Variants in TMEM17 observed in about 807,000 individuals in gnomAD.
TMEM17 encodes the protein transmembrane protein 17.
TMEM17 carries 15 observed loss-of-function variants against 19.1 expected under a neutral mutation model. The observed-to-expected ratio is 0.78, with a 90% CI of 0.52 to 1.21. TMEM17 has a LOEUF of 1.21. Ranked by LOEUF, TMEM17 falls within the 50% of genes most tolerant of loss-of-function variation. The pLI is 0.00. For missense variants in TMEM17, 245 were observed against 242.3 expected (o/e 1.01, Z -0.07); for synonymous variants, 103 against 86.9 (o/e 1.19, Z -1.03).
intron 1 of TMEM17, among the ~76,000 whole-genome samples, chr2:62,505,365 G>C (rs1235171468): frequency 6.6e-6 from 1 of 152,214 alleles, no homozygotes; most frequent in Non-Finnish European, 1.5e-5. Flanking sequence ...TTACATATAG[G>C]GGAGGAGGAG....
chr2:62,455,209 A>C, the TMEM17 span, among the ~76,000 whole-genome samples: 1 of 152,172 alleles, frequency 6.6e-6, no homozygotes, highest in African/African-American at 2.4e-5. Flanking sequence ...ATTTCATATA[A>C]ATAATACAAT....
chr2:62,490,262 T>TATTATTA, the TMEM17 span, among the ~76,000 whole-genome samples: 6 of 152,002 alleles, frequency 3.9e-5, no homozygotes, highest in African/African-American at 1.4e-4. Flanking sequence ...GATGCATGTG[T>TATTATTA]GTATTATTAT....
chr2:62,503,027 A>T (rs976124004), intron 1 of TMEM17, among the ~76,000 whole-genome samples: 9 of 152,176 alleles, frequency 5.9e-5, no homozygotes, highest in African/African-American at 1.9e-4. Flanking sequence ...CCATTTTGCC[A>T]TTACAGTCTT....
chr2:62,483,473 C>T, the TMEM17 span, among the ~76,000 whole-genome samples: 14,161 of 152,214 alleles, frequency 0.093, 916 homozygotes, highest in East Asian at 0.27. Context: ...TTGCATTCTC[C>T]GTATGGAGGC....
the TMEM17 span, among the ~76,000 whole-genome samples, chr2:62,489,549 T>C: frequency 6.6e-6 from 1 of 152,196 alleles, no homozygotes; most frequent in South Asian, 2.1e-4. Flanking sequence ...CACTCTTCAA[T>C]CCATATGCTT....
the TMEM17 span, among the ~76,000 whole-genome samples, chr2:62,468,847 A>G: frequency 2.0e-5 from 3 of 152,242 alleles, no homozygotes; most frequent in Admixed American, 2.0e-4. Context: ...AGCTAGAGGC[A>G]TGGTAGCTAG....
chr2:62,488,508 A>T, the TMEM17 span, among the ~76,000 whole-genome samples: 1 of 151,754 alleles, frequency 6.6e-6, no homozygotes, highest in Admixed American at 6.6e-5. Context: ...AAAAAAAAAA[A>T]ACTTAGAGAA....
chr2:62,460,482 T>G, the TMEM17 span, among the ~76,000 whole-genome samples: 2 of 152,290 alleles, frequency 1.3e-5, no homozygotes, highest in East Asian at 3.9e-4. Flanking sequence ...CCCACAAACC[T>G]TTTACTCCCT....
chr2:62,453,589 C>A, the TMEM17 span, among the ~76,000 whole-genome samples: 2 of 152,182 alleles, frequency 1.3e-5, no homozygotes, highest in African/African-American at 4.8e-5. Context: ...TAGAGCCTGA[C>A]AGCTTCACCC....
chr2:62,480,793 C>T, the TMEM17 span, among the ~76,000 whole-genome samples: 2 of 152,290 alleles, frequency 1.3e-5, no homozygotes, highest in Middle Eastern at 3.4e-3. Context: ...CAATACCATT[C>T]TGTTTTGGTT....
chr2:62,482,286 G>A, the TMEM17 span, among the ~76,000 whole-genome samples: 33 of 152,310 alleles, frequency 2.2e-4, no homozygotes, highest in Admixed American at 2.0e-3. Context: ...CAAAATAATA[G>A]TAAATTATTG....
rs1680070994 is a variant in TMEM17, at chr2:62,506,117, C to G, written c.13G>C (p.Asp5His). MELP[D>H]PVRQRLGNFS... The stretch of plus-strand genomic sequence containing the variant: ...TTTCCCAGCCGCTGGCGCACCGGAT[C>G]CGGCAGCTCCATGCCTGGGCCTCAG... Residue 5 changes from aspartate to histidine, a missense_variant, in exon 1 of 4, where the codon GAT (aspartate) becomes CAT (histidine). Transcript: ENST00000335390. 1.9e-6 allele frequency: 3 copies of G among 1,610,638 alleles called. No individual in the cohort carries two copies. The highest frequency in any genetic ancestry group is 2.2e-5 in the South Asian group (2 of 90,440).
the TMEM17 span, among the ~76,000 whole-genome samples, chr2:62,481,926 T>G: frequency 6.6e-6 from 1 of 152,176 alleles, no homozygotes; most frequent in Admixed American, 6.5e-5. Context: ...GAAATCAGTG[T>G]CAGTTCCACC....
chr2:62,458,946 T>C, the TMEM17 span, among the ~76,000 whole-genome samples: 68 of 152,248 alleles, frequency 4.5e-4, no homozygotes, highest in Non-Finnish European at 9.0e-4. Context: ...CCTCAGTCTT[T>C]AAGGCAGATT....
chr2:62,464,602 G>A, the TMEM17 span, among the ~76,000 whole-genome samples: 1 of 152,208 alleles, frequency 6.6e-6, no homozygotes, highest in African/African-American at 2.4e-5. Flanking sequence ...CTTGCCTGCT[G>A]CCTAGACAGA....
chr2:62,466,762 G>A, the TMEM17 span, among the ~76,000 whole-genome samples: 1 of 152,192 alleles, frequency 6.6e-6, no homozygotes, highest in Admixed American at 6.5e-5. Context: ...TCTGAGAGGG[G>A]GAGCTACAGC....
the TMEM17 span, among the ~76,000 whole-genome samples, chr2:62,467,873 G>GC: frequency 6.8e-6 from 1 of 147,638 alleles, no homozygotes; most frequent in African/African-American, 2.5e-5. Context: ...ATGTGGGCAT[G>GC]CCATCTCTCC....
chr2:62,461,464 C>G, the TMEM17 span, among the ~76,000 whole-genome samples: 4 of 152,188 alleles, frequency 2.6e-5, no homozygotes, highest in African/African-American at 9.7e-5. Context: ...GGAGGATGCC[C>G]AGTCTCTTCT....
chr2:62,502,437 C>A lies in TMEM17; in HGVS notation c.318G>T (p.Lys106Asn). The change falls in exon 3 of 4, where the codon AAG (lysine) becomes AAT (asparagine). Residue 106 changes from lysine to asparagine, a missense_variant and splice_region_variant. Physicochemically the swap from Lys to Asn is moderately conservative, Grantham distance 94. Coordinates refer to ENST00000335390, the MANE Select transcript of TMEM17 (RefSeq NM_198276.3). ...YLGYVGNLQE[K>N]VPELAGFWLL... ...TGAGAGAAAGGAAAAAAGAGCTTAC[C>A]TTCTCCTGTAGGTTACCCACGTAGC... 2 of 1,584,078 alleles carry A rather than the reference C, an allele frequency of 1.3e-6. No individual in the cohort carries two copies. The highest frequency in any genetic ancestry group is 1.7e-6 in the Non-Finnish European group (2 of 1,154,308).
Sources: gnomAD v4.1 joint callset for allele counts (sites outside exome capture counted in the v4.1 genomes callset) on GRCh38, gnomAD v4.1.1 for gene constraint, MANE v1.5 for transcripts, NCBI Gene and HGNC (gene_info 2026-07-23, HGNC 2026-07-21) for gene names.